ACACA: variants seen among roughly 807,000 people sequenced by gnomAD.
The protein encoded by ACACA is acetyl-CoA carboxylase alpha.
Under a neutral mutation model 296.1 loss-of-function variants are expected in ACACA, and 103 were observed. The ratio of observed to expected loss-of-function variants is 0.35; its 90% confidence interval spans 0.30 to 0.41. ACACA has a LOEUF of 0.41. Among genes scored for constraint, ACACA ranks in the 10% least tolerant of loss-of-function variants. The pLI is 1.00. For missense variants in ACACA, 1,554 were observed against 2,989.7 expected (o/e 0.52, Z 11.20); for synonymous variants, 953 against 1,038.6 (o/e 0.92, Z 1.58).
intron 41 of ACACA, among the ~76,000 whole-genome samples, chr17:37,164,857 G>T (rs1457465917): frequency 6.6e-6 from 1 of 152,112 alleles, no homozygotes; most frequent in Non-Finnish European, 1.5e-5. Flanking sequence ...TTAGATACAA[G>T]CCCTGAAGAA....
At chr17:37,129,990 C>T (rs1253800383) in intron 46 of ACACA, 85 bp downstream of exon 46, 2 of 1,550,832 alleles carry the variant, frequency 1.3e-6, no homozygotes, top group African/African-American at 1.4e-5. Flanking sequence ...ACCATAAAGA[C>T]AAGACCTTAA....
At position 37,290,237 on chromosome 17, in the gene ACACA, C is replaced by T. The variant is rs144188569; in HGVS notation, c.339-5267G>A. Among the ~76,000 whole-genome samples the T allele has an allele frequency of 5.9e-3, 905 of 152,202 alleles. 3 individuals are homozygous for T. The highest frequency in any genetic ancestry group is 0.01 in the Non-Finnish European group (692 of 68,012). ...TAATTTTTTCTATTTTTAGCACAGACGGGGTTTCACCATGTTGGCCAGGCT... is the reference window on the plus strand; with the variant it reads ...TAATTTTTTCTATTTTTAGCACAGATGGGGTTTCACCATGTTGGCCAGGCT... On this transcript the variant is annotated intron_variant, in intron 3 of 55. Transcript: ENST00000616317.
At position 37,150,065 on chromosome 17, in the gene ACACA, C is replaced by T. The variant is rs961963819; in HGVS notation, c.5569-91G>A. ...CATAGATAAGTAAAATCCAAATTAA[C>T]AGAAATAAACATTGCTTTTTATGAA... On this transcript the variant is annotated intron_variant, in intron 44 of 55. Coordinates refer to ENST00000616317, the MANE Select transcript of ACACA (RefSeq NM_198834.3). 6 of 1,087,586 alleles carry T rather than the reference C, an allele frequency of 5.5e-6. No homozygotes were observed. The African/African-American group carries it at 7.8e-5, about 14-fold the overall frequency. The allele number at this position is 1,087,586 out of a possible 1,614,324, so 67.4% of individuals were successfully genotyped here. A position where few individuals can be genotyped will look rare whatever the true frequency, so the allele number is the denominator to read the frequency against.
intron 3 of ACACA, among the ~76,000 whole-genome samples, chr17:37,316,878 GC>G (rs1246521317): frequency 2.6e-5 from 4 of 152,080 alleles, no homozygotes; most frequent in Non-Finnish European, 5.9e-5. Flanking sequence ...TTCGAGACCA[GC>G]CTGGCCAACA....
chr17:37,173,998 ATATATATATATATATATATATATTT>A (rs1347808843), intron 41 of ACACA, among the ~76,000 whole-genome samples: 4 of 8,326 alleles, frequency 4.8e-4, no homozygotes, highest in South Asian at 3.5e-3. Flanking sequence ...ATATATATAT[ATATATATATATATATATATATATTT>A]TTTTTTTTTT....
At chr17:37,305,734 C>T (rs1296132089) in intron 3 of ACACA, among the ~76,000 whole-genome samples, 1 of 152,210 alleles carries the variant, frequency 6.6e-6, no homozygotes, top group African/African-American at 2.4e-5. Context: ...ACCACCCAAA[C>T]TGAGTAAACT....
intron 35 of ACACA, among the ~76,000 whole-genome samples, chr17:37,199,225 G>C (rs1393560977): frequency 6.9e-6 from 1 of 143,968 alleles, no homozygotes; most frequent in East Asian, 2.0e-4. Flanking sequence ...GGGCGACTAA[G>C]CAAGACACTC....
intron 1 of ACACA, among the ~76,000 whole-genome samples, chr17:37,364,364 C>T (rs1326429256): frequency 1.3e-5 from 2 of 151,948 alleles, no homozygotes; most frequent in African/African-American, 2.4e-5. Flanking sequence ...GAGGCCAAGA[C>T]GGGCGGATCA....
chr17:37,306,787 T>G (rs1448404741), intron 3 of ACACA, among the ~76,000 whole-genome samples: 1 of 152,072 alleles, frequency 6.6e-6, no homozygotes, highest in Non-Finnish European at 1.5e-5. Context: ...CTCTGCCTCC[T>G]GGGATCAAGG....
chr17:37,278,084 G>C (rs576062995), intron 5 of ACACA, 79 bp from the exon 6 acceptor site: 1 of 1,052,916 alleles, frequency 9.5e-7, no homozygotes, highest in Non-Finnish European at 1.5e-6. Flanking sequence ...ACTACGTAAA[G>C]GTCAGGGACT....
chr17:37,159,648 G>A (rs1270704675), intron 42 of ACACA, among the ~76,000 whole-genome samples: 1 of 151,972 alleles, frequency 6.6e-6, no homozygotes, highest in Admixed American at 6.6e-5. Context: ...CTTTAATAAA[G>A]TTTTTCTATG....
chr17:37,149,327 C>T (rs926786370), intron 45 of ACACA, among the ~76,000 whole-genome samples: 1 of 152,122 alleles, frequency 6.6e-6, no homozygotes, highest in African/African-American at 2.4e-5. Context: ...GTGCCCTTTT[C>T]GAGAGGTGTA....
At position 37,406,636 on chromosome 17, in the gene ACACA, C is replaced by A. The variant is rs2051524437; in HGVS notation, c.-337G>T. On this transcript the variant is annotated 5_prime_UTR_variant, in exon 1 of 56. Transcript: ENST00000616317. The stretch of plus-strand genomic sequence containing the variant: ...AACAGCCCCACGCGCCAGGAAGCCT[C>A]AGGCAACGGGCCACGCGCCACACGG... 7.9e-6 allele frequency: 4 copies of A among 507,754 alleles called. No homozygotes were observed. Among genetic ancestry groups the A allele is most frequent in the South Asian group, 4.2e-5 (2 of 47,226 alleles). The allele number at this position is 507,754 out of a possible 1,614,324, so 31.5% of individuals were successfully genotyped here. A position where few individuals can be genotyped will look rare whatever the true frequency, so the allele number is the denominator to read the frequency against.
At chr17:37,316,716 A>T (rs968794426) in intron 3 of ACACA, among the ~76,000 whole-genome samples, 2 of 152,222 alleles carry the variant, frequency 1.3e-5, no homozygotes, top group Non-Finnish European at 2.9e-5. Flanking sequence ...AAAGAAAGGA[A>T]ATCAACATAT....
chr17:37,291,892 G>C lies in ACACA; in HGVS notation c.339-6922C>G, dbSNP rs138750448. On this transcript the variant is annotated intron_variant, in intron 3 of 55. Coordinates refer to ENST00000616317, the MANE Select transcript of ACACA (RefSeq NM_198834.3). ...AAATTAAACATGAAGGAAAGGGCAA[G>C]AGTAAAAGGCAGTGCCTTTTAGGAG... Among the ~76,000 whole-genome samples the C allele has an allele frequency of 1.4e-3, 211 of 152,100 alleles. 1 individual carries two copies. Among genetic ancestry groups the C allele is most frequent in the African/African-American group, 4.9e-3 (202 of 41,530 alleles).
chr17:37,382,124 T>G lies in ACACA; in HGVS notation c.38+24138A>C, dbSNP rs570168360. Among the ~76,000 whole-genome samples the G allele has an allele frequency of 1.2e-4, 18 of 152,320 alleles. No homozygotes were observed. In the South Asian group the frequency reaches 3.7e-3, roughly 32 times the overall value. On this transcript the variant is annotated intron_variant, in intron 1 of 55. Transcript: ENST00000616317. ...ATTCTTCTTGTATACCTGCAATTTATCAATAAGATTTATCAATTTATCAAT... is the reference window on the plus strand; with the variant it reads ...ATTCTTCTTGTATACCTGCAATTTAGCAATAAGATTTATCAATTTATCAAT...
intron 1 of ACACA, chr17:37,386,066 C>G (rs759478060): frequency 6.9e-6 from 11 of 1,605,794 alleles, no homozygotes; most frequent in Middle Eastern, 3.3e-4. Flanking sequence ...GAGACTTTTC[C>G]CACCACTGCC....
intron 1 of ACACA, among the ~76,000 whole-genome samples, chr17:37,361,368 A>G (rs1454455566): frequency 1.3e-5 from 2 of 152,110 alleles, no homozygotes; most frequent in African/African-American, 4.8e-5. Context: ...GCTGTTTACC[A>G]GCTTTACAAG....
chr17:37,188,705 C>A (rs891545703), intron 38 of ACACA, among the ~76,000 whole-genome samples: 20 of 152,078 alleles, frequency 1.3e-4, no homozygotes, highest in African/African-American at 4.6e-4. Flanking sequence ...GGTTTTCTCT[C>A]GATAATAACA....
Sources: allele counts gnomAD v4.1 joint callset (sites outside exome capture counted in the v4.1 genomes callset), GRCh38; gene constraint gnomAD v4.1.1; transcripts MANE v1.5; gene names NCBI Gene and HGNC (gene_info 2026-07-23, HGNC 2026-07-21).